Variants in MAGI3 observed in about 807,000 individuals in gnomAD.
MAGI3 encodes membrane associated guanylate kinase, WW and PDZ domain containing 3, also known as membrane-associated guanylate kinase, WW and PDZ domain-containing protein 3.
In MAGI3, 43 loss-of-function variants were observed where a neutral mutation model predicts 121.8. The observed-to-expected ratio is 0.35, with a 90% CI of 0.28 to 0.46. The LOEUF is 0.46. Among genes scored for constraint, MAGI3 ranks in the 20% least tolerant of loss-of-function variants. MAGI3 has a pLI of 1.00. For missense variants in MAGI3, 1,547 were observed against 1,797.3 expected (o/e 0.86, Z 2.52); for synonymous variants, 553 against 639.3 (o/e 0.86, Z 2.04).
At chr1:113,628,835 T>G (rs368888374) in intron 9 of MAGI3, among the ~76,000 whole-genome samples, 1 of 152,318 alleles carries the variant, frequency 6.6e-6, no homozygotes, top group South Asian at 2.1e-4. Context: ...TTGCTGCTCT[T>G]AGGATCCTTT....
intron 1 of MAGI3, among the ~76,000 whole-genome samples, chr1:113,437,868 T>C (rs55931356): frequency 0.094 from 1,234 of 13,174 alleles, 74 homozygotes; most frequent in East Asian, 0.21. Context: ...TTCTTCCTCT[T>C]CTTCTTCTTC....
At chr1:113,656,348 G>A (rs1653466436) in intron 15 of MAGI3, among the ~76,000 whole-genome samples, 1 of 152,066 alleles carries the variant, frequency 6.6e-6, no homozygotes, top group African/African-American at 2.4e-5. Context: ...GAGAAGGTTT[G>A]GTTCAGAAAG....
At chr1:113,532,208 A>G (rs1291967200) in intron 1 of MAGI3, among the ~76,000 whole-genome samples, 2 of 152,146 alleles carry the variant, frequency 1.3e-5, no homozygotes, top group Non-Finnish European at 2.9e-5. Flanking sequence ...TTGCTAAGAA[A>G]GAAAAATTGT....
intron 1 of MAGI3, among the ~76,000 whole-genome samples, chr1:113,416,933 T>G (rs1652482221): frequency 6.6e-6 from 1 of 152,060 alleles, no homozygotes; most frequent in African/African-American, 2.4e-5. Context: ...AAGGGTGATA[T>G]TAGCATATAC....
chr1:113,403,694 T>G (rs1173600449), intron 1 of MAGI3: 1 of 152,198 alleles, frequency 6.6e-6, no homozygotes, highest in East Asian at 1.9e-4. Context: ...TTCATGACCT[T>G]GTGTACAAGC....
chr1:113,408,041 G>A (rs1459558663), intron 1 of MAGI3, among the ~76,000 whole-genome samples: 1 of 152,056 alleles, frequency 6.6e-6, no homozygotes, highest in Non-Finnish European at 1.5e-5. Flanking sequence ...CCTCTTATTG[G>A]CAAGGCATTT....
intron 1 of MAGI3, among the ~76,000 whole-genome samples, chr1:113,437,057 G>T (rs999298302): frequency 6.6e-6 from 1 of 151,782 alleles, no homozygotes; most frequent in African/African-American, 2.4e-5. Context: ...CTTGTGATCC[G>T]CCTGCCTTGG....
At chr1:113,448,310 C>G (rs1371915665) in intron 1 of MAGI3, among the ~76,000 whole-genome samples, 1 of 152,150 alleles carries the variant, frequency 6.6e-6, no homozygotes, top group Non-Finnish European at 1.5e-5. Context: ...TAGAATAGGC[C>G]TTCTCTTTTG....
At position 113,580,572 on chromosome 1, in the gene MAGI3, T is replaced by A; in HGVS notation, c.464T>A (p.Val155Glu). ...CTTRAPRDGE[V>E]PGVDYNFISV... Reference sequence around the variant, plus strand: ...ACAAGGGCCCCCAGGGATGGAGAAGTACCAGGAGTGGATTATAATTTCATT... The same window carrying A: ...ACAAGGGCCCCCAGGGATGGAGAAGAACCAGGAGTGGATTATAATTTCATT... The change falls in exon 3 of 21, where the codon GTA becomes GAA. Residue 155 changes from valine (V) to glutamate (E), a missense_variant. Physicochemically the swap from Val to Glu is moderately radical, Grantham distance 121. Transcript: ENST00000307546. 6.2e-7 allele frequency: 1 copy of A among 1,611,908 alleles called. No homozygotes were observed.
At chr1:113,608,371 C>A (rs1346766197) in intron 6 of MAGI3, among the ~76,000 whole-genome samples, 1 of 152,154 alleles carries the variant, frequency 6.6e-6, no homozygotes, top group African/African-American at 2.4e-5. Flanking sequence ...AATAATAAGC[C>A]CGTCTTCATT....
rs183839416 is a variant in MAGI3 at position 113,618,464 on chromosome 1, G to T, written c.1077-1272G>T. On this transcript the variant is annotated intron_variant, in intron 7 of 20. Coordinates refer to ENST00000307546, the MANE Select transcript of MAGI3 (RefSeq NM_001142782.2). ...CATGTTCTGAAATTCTCATGATTTG[G>T]TATTTAATTGTTGGTGTTCACTCAT... The T allele has an allele frequency of 1.9e-3, 802 of 431,764 alleles. 8 individuals are homozygous for T. Among genetic ancestry groups the T allele is most frequent in the Middle Eastern group, 8.1e-3 (11 of 1,358 alleles). The allele number at this position is 431,764 out of a possible 1,614,324, so 26.7% of individuals were successfully genotyped here.
At chr1:113,576,013 GTC>G (rs1557831982) in intron 2 of MAGI3, among the ~76,000 whole-genome samples, 1 of 152,222 alleles carries the variant, frequency 6.6e-6, no homozygotes, top group East Asian at 1.9e-4. Flanking sequence ...ACCTACTCAA[GTC>G]TCTGCCATGG....
At chr1:113,682,338 T>C (rs965763542) in intron 20 of MAGI3, 4 of 1,566,374 alleles carry the variant, frequency 2.6e-6, no homozygotes, top group Admixed American at 4.1e-5. Flanking sequence ...CTTTCTTCTT[T>C]TGTTTTCTTT....
intron 1 of MAGI3, among the ~76,000 whole-genome samples, chr1:113,504,422 A>T (rs1657207563): frequency 6.6e-6 from 1 of 152,148 alleles, no homozygotes; most frequent in South Asian, 2.1e-4. Context: ...CAATTTTGGA[A>T]GATCAAATTT....
At chr1:113,531,001 A>T (rs1282741797) in intron 1 of MAGI3, among the ~76,000 whole-genome samples, 1 of 152,220 alleles carries the variant, frequency 6.6e-6, no homozygotes, top group Non-Finnish European at 1.5e-5. Flanking sequence ...TAAATGCAGA[A>T]ATATATGGTG....
chr1:113,454,010 A>T (rs1654622062), intron 1 of MAGI3, among the ~76,000 whole-genome samples: 1 of 152,220 alleles, frequency 6.6e-6, no homozygotes, highest in Non-Finnish European at 1.5e-5. Context: ...TTTCTATATT[A>T]AACATTATTC....
intron 1 of MAGI3, among the ~76,000 whole-genome samples, chr1:113,507,088 G>A (rs1657370770): frequency 6.6e-6 from 1 of 152,060 alleles, no homozygotes; most frequent in Non-Finnish European, 1.5e-5. Flanking sequence ...AACTTGCCCT[G>A]TAGGAAATGT....
In MAGI3 at chr1:113,636,336, A is replaced by C. The variant is rs924729500; in HGVS notation, c.1361-5575A>C. On this transcript the variant is annotated intron_variant, in intron 9 of 20. Coordinates refer to ENST00000307546, the MANE Select transcript of MAGI3 (RefSeq NM_001142782.2). The stretch of plus-strand genomic sequence containing the variant: ...TGTGATGTTAGGGTGTCAATTTTGG[A>C]TCTTTCCTGCTTTCTTTTGTGGGCA... 5.3e-5 allele frequency among the ~76,000 whole-genome samples: 8 copies of C among 151,906 alleles called. 1 individual carries two copies. In the South Asian group the frequency reaches 1.2e-3, roughly 24 times the overall value.
chr1:113,419,382 CT>C (rs1204011101), intron 1 of MAGI3, among the ~76,000 whole-genome samples: 2 of 152,058 alleles, frequency 1.3e-5, no homozygotes, highest in Non-Finnish European at 2.9e-5. Flanking sequence ...GGAATGAGGC[CT>C]TTTTATCTTT....
Sources: gnomAD v4.1 joint callset for allele counts (sites outside exome capture counted in the v4.1 genomes callset) on GRCh38, gnomAD v4.1.1 for gene constraint, MANE v1.5 for transcripts, NCBI Gene and HGNC (gene_info 2026-07-23, HGNC 2026-07-21) for gene names.